The following ZNF256 variants were observed in gnomAD, a reference collection of about 807,000 sequenced individuals.
ZNF256 encodes the protein zinc finger protein 256.
Under a neutral mutation model 7.9 loss-of-function variants are expected in ZNF256, and 4 were observed. That is an observed-to-expected ratio of 0.50 (90% CI 0.25 to 1.15). The LOEUF (loss-of-function observed/expected upper bound fraction) is 1.15. ZNF256 is among the 50% of genes most tolerant of loss of function. The probability of loss-of-function intolerance (pLI) is 0.15; values close to 1 mark genes in which losing one functional copy is unlikely to be tolerated. For missense variants in ZNF256, 666 were observed against 755.9 expected, an observed-to-expected ratio of 0.88 and a Z score of 1.39; for synonymous variants, 260 against 260.4, an observed-to-expected ratio of 1.00 and a Z score of 0.02.
intron 1 of ZNF256, among the ~76,000 whole-genome samples, chr19:57,946,832 A>T (rs971274351): frequency 6.6e-6 from 1 of 152,224 alleles, no homozygotes. Flanking sequence ...AAATGCACCC[A>T]GCTCCGTACT....
In ZNF256 at chr19:57,947,488, C is replaced by G; in HGVS notation, c.-14G>C. 1 of 1,249,318 alleles carries G rather than the reference C, an allele frequency of 8.0e-7. No individual in the cohort carries two copies. Among genetic ancestry groups the G allele is most frequent in the Non-Finnish European group, 1.0e-6 (1 of 988,660 alleles). The allele number at this position is 1,249,318 out of a possible 1,614,324, so 77.4% of individuals were successfully genotyped here. A position where few individuals can be genotyped will look rare whatever the true frequency, so the allele number is the denominator to read the frequency against. On this transcript the variant is annotated 5_prime_UTR_variant, in exon 1 of 3. Transcript: ENST00000282308. Reference sequence around the variant, plus strand: ...GGCCGCCGCCATCTGACTCTGTGAGCGGAGCGGGGCCAGAGAGGATGTCCT... The same window carrying G: ...GGCCGCCGCCATCTGACTCTGTGAGGGGAGCGGGGCCAGAGAGGATGTCCT...
At chr19:57,947,421 C>T in intron 1 of ZNF256, 21 bp downstream of exon 1, 1 of 1,249,012 alleles carries the variant, frequency 8.0e-7, no homozygotes, top group Non-Finnish European at 1.0e-6. Context: ...GCGGGGAAGG[C>T]CCAGAGGACG....
chr19:57,943,760 T>C lies in ZNF256; in HGVS notation c.160+174A>G, dbSNP rs149129745. On this transcript the variant is annotated intron_variant, in intron 2 of 2. Transcript: ENST00000282308. Reference sequence around the variant, plus strand: ...TTCCACATGAAAGGGAAGCAGGTGTTGCTTGCTCAAGGAGAAAAGCAGGCA... The same window carrying C: ...TTCCACATGAAAGGGAAGCAGGTGTCGCTTGCTCAAGGAGAAAAGCAGGCA... Among the ~76,000 whole-genome samples, 470 of 152,310 alleles carry C rather than the reference T, an allele frequency of 3.1e-3. 1 individual carries two copies. The highest frequency in any genetic ancestry group is 0.01 in the African/African-American group (426 of 41,566).
intron 1 of ZNF256, among the ~76,000 whole-genome samples, chr19:57,947,149 T>C (rs542621147): frequency 1.1e-4 from 17 of 152,288 alleles, no homozygotes; most frequent in African/African-American, 4.1e-4. Context: ...AGAGCATCTA[T>C]GGCGGTATTA....
At chr19:57,944,685 G>C (rs78814992) in intron 1 of ZNF256, among the ~76,000 whole-genome samples, 29 of 152,206 alleles carry the variant, frequency 1.9e-4, no homozygotes, top group Non-Finnish European at 3.5e-4. Flanking sequence ...TCAGCCAGGC[G>C]TGGTGGCACA....
rs1008293737 is a variant in ZNF256, at chr19:57,941,595, C to T, written c.1213G>A (p.Gly405Arg). The change falls in exon 3 of 3, where the codon GGG becomes AGG. Residue 405 changes from glycine (G) to arginine (R), a missense_variant. Coordinates refer to ENST00000282308, the MANE Select transcript of ZNF256 (RefSeq NM_005773.3). ...CCACATTCACTACACTCATAAGGCC[C>T]TTCTCCAATGTGAAGTCTCCGGTGT... is the stretch of plus-strand genomic sequence containing the variant. ...IKHRRLHIGE[G>R]PYECSECGKL... 1 of 1,613,316 alleles carries T rather than the reference C, an allele frequency of 6.2e-7. No homozygotes were observed. Among genetic ancestry groups the T allele is most frequent in the African/African-American group, 1.3e-5 (1 of 74,660 alleles).
chr19:57,941,960 A>T lies in ZNF256; in HGVS notation c.848T>A (p.Ile283Asn). The T allele has an allele frequency of 6.2e-7, 1 of 1,614,192 alleles. No homozygotes were observed. Among genetic ancestry groups the T allele is most frequent in the Non-Finnish European group, 8.5e-7 (1 of 1,180,038 alleles). The change falls in exon 3 of 3, where the codon ATT (isoleucine) becomes AAT (asparagine). Residue 283 changes from isoleucine (I) to asparagine (N), a missense_variant. By Grantham distance (149) the Ile-to-Asn change is moderately radical. Coordinates refer to ENST00000282308, the MANE Select transcript of ZNF256 (RefSeq NM_005773.3). ...GKSYRQSSSL[I>N]THRRIHTGVR... ...TCCAGTGTGAATTCTTCGGTGCGTAATAAGGCTAGAGCTTTGCCTATAGGA... is the reference window on the plus strand; with the variant it reads ...TCCAGTGTGAATTCTTCGGTGCGTATTAAGGCTAGAGCTTTGCCTATAGGA...
Position 57,942,541 on chromosome 19 carries a change from G to A in ZNF256, c.267C>T (p.Thr89=), listed in dbSNP as rs755800325. The A allele has an allele frequency of 3.7e-6, 6 of 1,614,182 alleles. No individual in the cohort carries two copies. Among genetic ancestry groups the A allele is most frequent in the East Asian group, 4.5e-5 (2 of 44,886 alleles). The part of the protein sequence containing the change: ...IPKALPSPQK[T]NPCEICGPVL... Reference sequence around the variant, plus strand: ...CTGGGCCACATATCTCACAGGGGTTGGTCTTCTGGGGAGAAGGAAGGGCCT... The same window carrying A: ...CTGGGCCACATATCTCACAGGGGTTAGTCTTCTGGGGAGAAGGAAGGGCCT... Residue 89 remains threonine (T), a synonymous_variant, in exon 3 of 3, where the codon ACC becomes ACT. Coordinates refer to ENST00000282308, the MANE Select transcript of ZNF256 (RefSeq NM_005773.3).
In ZNF256 at chr19:57,941,998, T is replaced by G; in HGVS notation, c.810A>C (p.Gly270=). 1.9e-6 allele frequency: 3 copies of G among 1,613,930 alleles called. No individual in the cohort carries two copies. The highest frequency in any genetic ancestry group is 2.5e-6 in the Non-Finnish European group (3 of 1,179,910). The change falls in exon 3 of 3, where the codon GGA becomes GGC. Residue 270 remains glycine (G), a synonymous_variant. Coordinates refer to ENST00000282308, the MANE Select transcript of ZNF256 (RefSeq NM_005773.3). ...VHTSEKPYTC[G]ECGKSYRQSS... is the part of the protein sequence containing the mutation. ...TTTGCCTATAGGATTTCCCACATTC[T>G]CCACATGTATAAGGCTTTTCTGAAG...
Position 57,947,638 on chromosome 19 carries a change from G to A in ZNF256, c.-164C>T, listed in dbSNP as rs1160813828. The A allele has an allele frequency of 1.1e-5, 7 of 622,844 alleles. No individual in the cohort carries two copies. Among genetic ancestry groups the A allele is most frequent in the Non-Finnish European group, 1.7e-5 (7 of 421,492 alleles). The allele number at this position is 622,844 out of a possible 1,614,324, so 38.6% of individuals were successfully genotyped here. On this transcript the variant is annotated 5_prime_UTR_variant, in exon 1 of 3. Transcript: ENST00000282308. ...GATGATGCTGACCCAGCGCTCCGGG[G>A]CTTTCTACCAAGTAATCAGTCCAGA...
In ZNF256 at chr19:57,943,910, T is replaced by C. The variant is rs374188088; in HGVS notation, c.160+24A>G. The C allele has an allele frequency of 5.4e-5, 87 of 1,612,678 alleles. No homozygotes were observed. The African/African-American group carries it at 9.9e-4, about 18-fold the overall frequency. ...TAAGAGCAAAGGCTAGCTCGGGGCA[T>C]AGAGGTGGGTGTGAGGACCTTACCC... On this transcript the variant is annotated intron_variant, in intron 2 of 2. Coordinates refer to ENST00000282308, the MANE Select transcript of ZNF256 (RefSeq NM_005773.3).
At chr19:57,943,564 T>C (rs1261497520) in intron 2 of ZNF256, among the ~76,000 whole-genome samples, 1 of 152,106 alleles carries the variant, frequency 6.6e-6, no homozygotes, top group Non-Finnish European at 1.5e-5. Flanking sequence ...GTGGTGACAA[T>C]GTCAGTGATG....
chr19:57,943,945 G>C lies in ZNF256; in HGVS notation c.149C>G (p.Thr50Arg). 1 of 1,614,024 alleles carries C rather than the reference G, an allele frequency of 6.2e-7. No individual in the cohort carries two copies. The highest frequency in any genetic ancestry group is 8.5e-7 in the Non-Finnish European group (1 of 1,179,922). The change falls in exon 2 of 3, where the codon ACA (threonine) becomes AGA (arginine). Residue 50 changes from threonine to arginine, a missense_variant. Coordinates refer to ENST00000282308, the MANE Select transcript of ZNF256 (RefSeq NM_005773.3). The part of the protein sequence containing the change: ...HDVMLENLTL[T>R]TSLGGSGAGD... ...TGTGAGGACCTTACCCAGGGAGGTT[G>C]TAAGTGTCAAGTTCTCCAGCATCAC...
intron 1 of ZNF256, among the ~76,000 whole-genome samples, chr19:57,946,372 C>T (rs570891998): frequency 1.3e-5 from 2 of 152,312 alleles, no homozygotes; most frequent in African/African-American, 4.8e-5. Context: ...CCTGATATCC[C>T]TAGTGAATAT....
chr19:57,942,538 G>T lies in ZNF256; in HGVS notation c.270C>A (p.Asn90Lys). The T allele has an allele frequency of 6.2e-7, 1 of 1,614,222 alleles. No individual in the cohort carries two copies. Among genetic ancestry groups the T allele is most frequent in the Non-Finnish European group, 8.5e-7 (1 of 1,180,042 alleles). ...PKALPSPQKT[N>K]PCEICGPVLR... The stretch of plus-strand genomic sequence containing the variant: ...AGACTGGGCCACATATCTCACAGGG[G>T]TTGGTCTTCTGGGGAGAAGGAAGGG... Residue 90 changes from asparagine (N) to lysine (K), a missense_variant, in exon 3 of 3, where the codon AAC becomes AAA. Coordinates refer to ENST00000282308, the MANE Select transcript of ZNF256 (RefSeq NM_005773.3).
Position 57,942,550 on chromosome 19 carries a change from G to A in ZNF256, c.258C>T (p.Pro86=). 1 of 1,614,186 alleles carries A rather than the reference G, an allele frequency of 6.2e-7. No individual in the cohort carries two copies. The highest frequency in any genetic ancestry group is 1.6e-4 in the Middle Eastern group (1 of 6,062). Residue 86 remains proline (P), a synonymous_variant, in exon 3 of 3, where the codon CCC becomes CCT. Transcript: ENST00000282308. ...QVRIPKALPS[P]QKTNPCEICG... ...ATATCTCACAGGGGTTGGTCTTCTG[G>A]GGAGAAGGAAGGGCCTTAGGAATCC...
intron 1 of ZNF256, 46 bp from the exon 2 acceptor site, chr19:57,944,106 A>T: frequency 6.2e-7 from 1 of 1,609,348 alleles, no homozygotes. Context: ...TCCTCCTCTC[A>T]GGATCCATAA....
Position 57,941,050 on chromosome 19 carries a change from C to T in ZNF256, c.1758G>A (p.Gln586=). The change falls in exon 3 of 3, where the codon CAG becomes CAA. Residue 586 remains glutamine (Q), a synonymous_variant. Coordinates refer to ENST00000282308, the MANE Select transcript of ZNF256 (RefSeq NM_005773.3). ...GCTGGTGATTAGTGAGGTTAGAGCT[C>T]TGGCTAAAGGATTTTCCACATTCAC... The part of the protein sequence containing the change: ...ECSECGKSFS[Q]SSNLTNHQRI... The T allele has an allele frequency of 6.2e-7, 1 of 1,614,092 alleles. No individual in the cohort carries two copies. The highest frequency in any genetic ancestry group is 8.5e-7 in the Non-Finnish European group (1 of 1,180,020).
rs1172841248 is a variant in ZNF256 at position 57,941,983 on chromosome 19, G to C, written c.825C>G (p.Ser275=). 1 of 1,614,022 alleles carries C rather than the reference G, an allele frequency of 6.2e-7. No homozygotes were observed. The highest frequency in any genetic ancestry group is 1.7e-4 in the Middle Eastern group (1 of 6,060). ...KPYTCGECGK[S]YRQSSSLITH... ...TAATAAGGCTAGAGCTTTGCCTATAGGATTTCCCACATTCTCCACATGTAT... is the reference window on the plus strand; with the variant it reads ...TAATAAGGCTAGAGCTTTGCCTATACGATTTCCCACATTCTCCACATGTAT... The change falls in exon 3 of 3, where the codon TCC becomes TCG. Residue 275 remains serine (S), a synonymous_variant. Transcript: ENST00000282308.
Sources: allele counts gnomAD v4.1 joint callset (sites outside exome capture counted in the v4.1 genomes callset), GRCh38; gene constraint gnomAD v4.1.1; transcripts MANE v1.5; gene names NCBI Gene and HGNC (gene_info 2026-07-23, HGNC 2026-07-21).